The following COMMD10 variants were observed in gnomAD, a reference collection of about 807,000 sequenced individuals.
COMMD10 encodes the protein COMM domain containing 10, also known as COMM domain-containing protein 10.
A neutral mutation model predicts 28.9 loss-of-function variants in COMMD10; 33 were observed. That is an observed-to-expected ratio of 1.14 (90% confidence interval 0.87 to 1.53). The LOEUF is 1.53. Ranked by LOEUF, COMMD10 falls within the 40% of genes most tolerant of loss-of-function variation. The probability of loss-of-function intolerance (pLI) is 0.00; values close to 1 mark genes in which losing one functional copy is unlikely to be tolerated. For synonymous variants in COMMD10, 110 were observed against 81.7 expected (o/e 1.35, Z -1.87); for missense variants, 310 against 233.4 (o/e 1.33, Z -2.14).
At chr5:116,106,997 T>C (rs369667554) in intron 4 of COMMD10, among the ~76,000 whole-genome samples, 2 of 152,204 alleles carry the variant, frequency 1.3e-5, no homozygotes, top group Non-Finnish European at 2.9e-5. Context: ...AATATTGTCA[T>C]GTGTGAGTTT....
chr5:116,138,020 TCA>T (rs941178809), intron 5 of COMMD10, among the ~76,000 whole-genome samples: 4 of 151,958 alleles, frequency 2.6e-5, no homozygotes, highest in Non-Finnish European at 5.9e-5. Flanking sequence ...TTTCTGGCAT[TCA>T]CAGTGTTATT....
Position 116,242,077 on chromosome 5 carries a change from T to A in COMMD10, c.511-49440T>A, listed in dbSNP as rs116023738. Reference sequence around the variant, plus strand: ...GAGTTATCTCCTAAGGTAACTCTAATGTACATTCCTTAACTCTGAAGCTAA... The same window carrying A: ...GAGTTATCTCCTAAGGTAACTCTAAAGTACATTCCTTAACTCTGAAGCTAA... On this transcript the variant is annotated intron_variant, in intron 5 of 6. Coordinates refer to ENST00000274458, the MANE Select transcript of COMMD10 (RefSeq NM_016144.4). Among the ~76,000 whole-genome samples the A allele has an allele frequency of 2.9e-3, 446 of 152,296 alleles. 3 individuals are homozygous for A. Among genetic ancestry groups the A allele is most frequent in the African/African-American group, 0.01 (428 of 41,560 alleles).
intron 5 of COMMD10, among the ~76,000 whole-genome samples, chr5:116,220,733 G>A (rs566174014): frequency 2.0e-5 from 3 of 152,252 alleles, no homozygotes; most frequent in East Asian, 3.9e-4. Context: ...GGCACCTGTA[G>A]TTAATGCTTT....
At chr5:116,248,184 T>C (rs560375649) in intron 5 of COMMD10, among the ~76,000 whole-genome samples, 258 of 151,982 alleles carry the variant, frequency 1.7e-3, no homozygotes, top group African/African-American at 5.9e-3. Flanking sequence ...TACCAGCATG[T>C]GCTCACATCA....
At chr5:116,234,966 T>A (rs1252605745) in intron 5 of COMMD10, among the ~76,000 whole-genome samples, 1 of 152,152 alleles carries the variant, frequency 6.6e-6, no homozygotes, top group East Asian at 1.9e-4. Flanking sequence ...CACCTTTCAT[T>A]TTACGGAAAA....
chr5:116,206,198 T>G (rs1310961770), intron 5 of COMMD10, among the ~76,000 whole-genome samples: 1 of 152,162 alleles, frequency 6.6e-6, no homozygotes, highest in East Asian at 1.9e-4. Flanking sequence ...TTGTACAAAT[T>G]TATTATGGAT....
intron 5 of COMMD10, among the ~76,000 whole-genome samples, chr5:116,202,759 T>G (rs1286534481): frequency 2.6e-5 from 4 of 151,350 alleles, no homozygotes; most frequent in African/African-American, 7.3e-5. Flanking sequence ...TAAATTTGTT[T>G]GAGTTCATTG....
At chr5:116,118,635 T>C (rs1017390618) in intron 4 of COMMD10, among the ~76,000 whole-genome samples, 5 of 152,190 alleles carry the variant, frequency 3.3e-5, no homozygotes, top group African/African-American at 1.2e-4. Context: ...GGTTCATTTA[T>C]TTTATGGCTC....
At chr5:116,220,023 T>G (rs185228761) in intron 5 of COMMD10, among the ~76,000 whole-genome samples, 2 of 152,188 alleles carry the variant, frequency 1.3e-5, no homozygotes, top group East Asian at 3.9e-4. Flanking sequence ...TATGTTAAAT[T>G]GTTTTGGATA....
At chr5:116,202,870 T>C (rs1233960055) in intron 5 of COMMD10, among the ~76,000 whole-genome samples, 2 of 152,144 alleles carry the variant, frequency 1.3e-5, no homozygotes, top group Non-Finnish European at 1.5e-5. Flanking sequence ...TCTTTTGCTG[T>C]GCAGAAGCTC....
At chr5:116,254,470 T>C (rs1228695760) in intron 5 of COMMD10, among the ~76,000 whole-genome samples, 1 of 151,312 alleles carries the variant, frequency 6.6e-6, no homozygotes, top group Non-Finnish European at 1.5e-5. Flanking sequence ...CTGCTTTGAA[T>C]GCGTCCCAGA....
At chr5:116,254,485 C>A (rs1021243637) in intron 5 of COMMD10, among the ~76,000 whole-genome samples, 9 of 151,042 alleles carry the variant, frequency 6.0e-5, no homozygotes, top group Non-Finnish European at 1.0e-4. Context: ...CCCAGAGATT[C>A]TGGTATGTTG....
At chr5:116,139,368 A>G (rs370017224) in intron 5 of COMMD10, among the ~76,000 whole-genome samples, 1,135 of 71,210 alleles carry the variant, frequency 0.016, 13 homozygotes, top group Middle Eastern at 0.037. Flanking sequence ...GCTACATGAC[A>G]TCAATGATGT....
chr5:116,239,497 C>G (rs1231006634), intron 5 of COMMD10, among the ~76,000 whole-genome samples: 1 of 152,150 alleles, frequency 6.6e-6, no homozygotes, highest in African/African-American at 2.4e-5. Flanking sequence ...AGCTTTGCCT[C>G]TCTTTGAGCA....
At chr5:116,111,440 G>GTGTCCTACAGGTTTTTGTATTGCTA (rs1390508825) in intron 4 of COMMD10, among the ~76,000 whole-genome samples, 3 of 152,122 alleles carry the variant, frequency 2.0e-5, no homozygotes, top group Non-Finnish European at 4.4e-5. Context: ...TGGTTTTGCT[G>GTGTCCTACAGGTTTTTGTATTGCTA]TGTCCTACAG....
Position 116,134,121 on chromosome 5 carries a change from A to C in COMMD10, c.453A>C (p.Ala151=). Residue 151 remains alanine, a synonymous_variant, in exon 5 of 7, where the codon GCA becomes GCC. Coordinates refer to ENST00000274458, the MANE Select transcript of COMMD10 (RefSeq NM_016144.4). ...LNLQMAHSAQ[A]KLKSPQAVLQ... ...TTCAGATGGCTCACTCTGCTCAAGC[A>C]AAACTAAAATCTCCTCAAGCTGTGT... The C allele has an allele frequency of 6.2e-7, 1 of 1,613,184 alleles. No individual in the cohort carries two copies. The highest frequency in any genetic ancestry group is 8.5e-7 in the Non-Finnish European group (1 of 1,179,078).
chr5:116,211,687 A>T (rs1340627879), intron 5 of COMMD10, among the ~76,000 whole-genome samples: 4 of 152,170 alleles, frequency 2.6e-5, no homozygotes, highest in Non-Finnish European at 4.4e-5. Context: ...CTTCTCAAAT[A>T]TATGGAGTAT....
intron 4 of COMMD10, among the ~76,000 whole-genome samples, chr5:116,117,369 T>C (rs1163876553): frequency 6.6e-6 from 1 of 152,230 alleles, no homozygotes; most frequent in Non-Finnish European, 1.5e-5. Flanking sequence ...GCTACATGGA[T>C]TGGGAAAAGT....
chr5:116,247,629 C>A (rs1749988320), intron 5 of COMMD10, among the ~76,000 whole-genome samples: 1 of 151,994 alleles, frequency 6.6e-6, no homozygotes, highest in Non-Finnish European at 1.5e-5. Flanking sequence ...TACTATGCAG[C>A]CATAAAAAAG....
Sources: gnomAD v4.1 joint callset for allele counts (sites outside exome capture counted in the v4.1 genomes callset) on GRCh38, gnomAD v4.1.1 for gene constraint, MANE v1.5 for transcripts, NCBI Gene and HGNC (gene_info 2026-07-23, HGNC 2026-07-21) for gene names.